The following ADGRA3 variants were observed in gnomAD, a reference collection of about 807,000 sequenced individuals.
The protein encoded by ADGRA3 is G-protein coupled receptor 125.
In ADGRA3, 56 loss-of-function variants were observed where a neutral mutation model predicts 119.8. That is an observed-to-expected ratio of 0.47 (90% CI 0.38 to 0.58). The LOEUF (loss-of-function observed/expected upper bound fraction) is 0.58, where lower values mean the gene tolerates loss of function less well. Among genes scored for constraint, ADGRA3 ranks in the 20% least tolerant of loss-of-function variants. The pLI is 0.00. For missense variants in ADGRA3, 1,516 were observed against 1,649.0 expected, an observed-to-expected ratio of 0.92 and a Z score of 1.40; for synonymous variants, 607 against 623.8, an observed-to-expected ratio of 0.97 and a Z score of 0.40.
intron 1 of ADGRA3, chr4:22,515,267 G>C (rs1719604213): frequency 3.2e-6 from 1 of 308,178 alleles, no homozygotes; most frequent in African/African-American, 2.2e-5. Context: ...CGCTGCGCCG[G>C]GGACAGCGCG....
At chr4:22,395,030 C>T (rs1003910051) in intron 16 of ADGRA3, among the ~76,000 whole-genome samples, 6 of 152,108 alleles carry the variant, frequency 3.9e-5, no homozygotes, top group Admixed American at 2.0e-4. Flanking sequence ...TACAACCTTG[C>T]TATCACATTT....
chr4:22,402,620 T>A, intron 15 of ADGRA3, 55 bp downstream of exon 15: 1 of 1,567,638 alleles, frequency 6.4e-7, no homozygotes, highest in Non-Finnish European at 8.7e-7. Context: ...AAATGTGAAA[T>A]AAAGTCCTTC....
chr4:22,449,280 A>AG lies in ADGRA3; in HGVS notation c.474-1770_474-1769insC, dbSNP rs1322393106. Among the ~76,000 whole-genome samples, 11 of 152,204 alleles carry AG rather than the reference A, an allele frequency of 7.2e-5. No individual in the cohort carries two copies. The East Asian group carries it at 1.9e-3, about 27-fold the overall frequency. ...GTGAGACCCCGTCTCAAAAAAAAAA[A>AG]AAATTTTTTTTAAGAAAGTAACTTA... On this transcript the variant is annotated intron_variant, in intron 4 of 18. Transcript: ENST00000334304.
At chr4:22,495,752 C>CA (rs1022445815) in intron 1 of ADGRA3, among the ~76,000 whole-genome samples, 12 of 151,826 alleles carry the variant, frequency 7.9e-5, no homozygotes, top group African/African-American at 2.9e-4. Context: ...ACTAAAAATA[C>CA]AAAAAAATTA....
At chr4:22,501,606 C>G (rs1242624013) in intron 1 of ADGRA3, among the ~76,000 whole-genome samples, 1 of 152,058 alleles carries the variant, frequency 6.6e-6, no homozygotes, top group African/African-American at 2.4e-5. Context: ...TGGGGACTCC[C>G]CACGTTTCCT....
chr4:22,437,803 T>TA (rs1716454778), intron 8 of ADGRA3, among the ~76,000 whole-genome samples: 1 of 152,138 alleles, frequency 6.6e-6, no homozygotes, highest in South Asian at 2.1e-4. Context: ...GGGAGAAAAT[T>TA]AGATAGGTGT....
intron 1 of ADGRA3, among the ~76,000 whole-genome samples, chr4:22,484,403 G>A (rs1350939678): frequency 6.6e-6 from 1 of 152,078 alleles, no homozygotes; most frequent in Non-Finnish European, 1.5e-5. Context: ...TCAGGAGTTT[G>A]AGACCAGCCT....
chr4:22,422,820 G>A (rs981738833), intron 11 of ADGRA3, among the ~76,000 whole-genome samples: 5 of 152,198 alleles, frequency 3.3e-5, no homozygotes, highest in East Asian at 1.9e-4. Context: ...TCTAAATGGC[G>A]GAGGTGGACA....
chr4:22,463,503 T>C (rs1161763884), intron 2 of ADGRA3, among the ~76,000 whole-genome samples: 1 of 152,120 alleles, frequency 6.6e-6, no homozygotes, highest in Non-Finnish European at 1.5e-5. Context: ...CTCCATCCTC[T>C]CCAAATCAGA....
chr4:22,417,918 T>C (rs1715493591), intron 12 of ADGRA3, among the ~76,000 whole-genome samples: 1 of 152,170 alleles, frequency 6.6e-6, no homozygotes, highest in Admixed American at 6.5e-5. Flanking sequence ...AAGCTCTAGA[T>C]GTCTGGGATG....
At chr4:22,397,415 C>T (rs949155331) in intron 16 of ADGRA3, among the ~76,000 whole-genome samples, 3 of 151,968 alleles carry the variant, frequency 2.0e-5, no homozygotes, top group African/African-American at 4.8e-5. Context: ...CTCTTGACCT[C>T]GTGATCCGCC....
At chr4:22,409,918 C>T (rs1715123283) in intron 14 of ADGRA3, among the ~76,000 whole-genome samples, 1 of 152,168 alleles carries the variant, frequency 6.6e-6, no homozygotes, top group Non-Finnish European at 1.5e-5. Flanking sequence ...CCAGCTTTCA[C>T]TGTATGTTAA....
intron 6 of ADGRA3, among the ~76,000 whole-genome samples, chr4:22,443,463 T>C (rs1342253573): frequency 1.2e-4 from 18 of 152,188 alleles, no homozygotes; most frequent in Admixed American, 1.2e-3. Context: ...ATGTAGTCCA[T>C]TTTTCTAACA....
intron 16 of ADGRA3, among the ~76,000 whole-genome samples, chr4:22,399,215 A>T (rs1279421323): frequency 2.0e-5 from 3 of 152,074 alleles, no homozygotes; most frequent in Admixed American, 1.3e-4. Context: ...ACTTGTTGTG[A>T]TGTTCTCACT....
intron 1 of ADGRA3, among the ~76,000 whole-genome samples, chr4:22,502,269 C>T (rs1719072750): frequency 6.6e-6 from 1 of 152,122 alleles, no homozygotes; most frequent in African/African-American, 2.4e-5. Flanking sequence ...GTCCATCAAG[C>T]TAAAGGACCA....
chr4:22,430,319 A>G (rs557231382), intron 10 of ADGRA3, among the ~76,000 whole-genome samples: 2 of 152,202 alleles, frequency 1.3e-5, no homozygotes, highest in South Asian at 4.1e-4. Flanking sequence ...GAACAGTCTG[A>G]GGGCTCAGAA....
chr4:22,477,745 C>T (rs1039311301), intron 1 of ADGRA3: 1 of 152,132 alleles, frequency 6.6e-6, no homozygotes, highest in African/African-American at 2.4e-5. Flanking sequence ...ACACTTAAAA[C>T]GTTATAACTG....
intron 1 of ADGRA3, among the ~76,000 whole-genome samples, chr4:22,503,688 T>G (rs1719133523): frequency 6.6e-6 from 1 of 152,146 alleles, no homozygotes; most frequent in African/African-American, 2.4e-5. Context: ...GGTCACATAC[T>G]TGGAACCATG....
At chr4:22,466,906 C>T (rs941053178) in intron 2 of ADGRA3, among the ~76,000 whole-genome samples, 6 of 152,020 alleles carry the variant, frequency 3.9e-5, no homozygotes, top group African/African-American at 7.3e-5. Context: ...TGTTCATGGA[C>T]GAAAGAATAC....
Sources: gnomAD v4.1 joint callset for allele counts (sites outside exome capture counted in the v4.1 genomes callset) on GRCh38, gnomAD v4.1.1 for gene constraint, MANE v1.5 for transcripts, NCBI Gene and HGNC (gene_info 2026-07-23, HGNC 2026-07-21) for gene names.